Variants in ERC2 observed in about 807,000 individuals in gnomAD.
The protein encoded by ERC2 is ERC protein 2.
In ERC2, 42 loss-of-function variants were observed where a neutral mutation model predicts 114.8. The observed-to-expected ratio is 0.37, with a 90% CI of 0.29 to 0.47. The LOEUF is 0.47. ERC2 is among the 20% of genes least tolerant of loss of function. The probability of loss-of-function intolerance (pLI) is 0.99; values close to 1 mark genes in which losing one functional copy is unlikely to be tolerated. For synonymous variants in ERC2, 454 were observed against 425.5 expected (o/e 1.07, Z -0.82); for missense variants, 939 against 1,150.7 (o/e 0.82, Z 2.66).
At chr3:55,642,127 T>C (rs1184802213) in intron 17 of ERC2, among the ~76,000 whole-genome samples, 1 of 152,128 alleles carries the variant, frequency 6.6e-6, no homozygotes, top group Non-Finnish European at 1.5e-5. Flanking sequence ...CAATGAGGAA[T>C]GTATAGAGTT....
At chr3:55,821,367 C>T (rs1376666960) in intron 14 of ERC2, among the ~76,000 whole-genome samples, 1 of 152,186 alleles carries the variant, frequency 6.6e-6, no homozygotes, top group African/African-American at 2.4e-5. Context: ...GGAAACCCAT[C>T]AAACACGTGG....
chr3:55,778,671 A>G (rs191017419), intron 14 of ERC2, among the ~76,000 whole-genome samples: 30 of 152,358 alleles, frequency 2.0e-4, no homozygotes, highest in Admixed American at 2.6e-4. Flanking sequence ...CACATTAATA[A>G]GAAAAAGGTC....
chr3:55,774,467 C>A (rs1377685241), intron 14 of ERC2, among the ~76,000 whole-genome samples: 2 of 152,260 alleles, frequency 1.3e-5, no homozygotes, highest in South Asian at 2.1e-4. Context: ...CAATCTTCCC[C>A]CTTTCCTTGG....
At chr3:56,041,214 T>C (rs2075172474) in intron 7 of ERC2, among the ~76,000 whole-genome samples, 1 of 152,142 alleles carries the variant, frequency 6.6e-6, no homozygotes. Flanking sequence ...TTTTTTCCTA[T>C]TTACATTCTA....
intron 9 of ERC2, among the ~76,000 whole-genome samples, chr3:56,008,228 T>G (rs1027961596): frequency 1.3e-5 from 2 of 152,168 alleles, no homozygotes; most frequent in African/African-American, 4.8e-5. Flanking sequence ...CGTTGGCTAA[T>G]AATTTACACT....
intron 3 of ERC2, among the ~76,000 whole-genome samples, chr3:56,215,062 G>A (rs1439021582): frequency 6.6e-6 from 1 of 152,116 alleles, no homozygotes; most frequent in Non-Finnish European, 1.5e-5. Context: ...AGACCATCGA[G>A]GCTAGGAAGA....
chr3:55,735,199 T>G (rs2065552890), intron 14 of ERC2, among the ~76,000 whole-genome samples: 1 of 152,200 alleles, frequency 6.6e-6, no homozygotes, highest in Non-Finnish European at 1.5e-5. Context: ...CTGACACATT[T>G]ATCCACCCAT....
chr3:55,952,175 ACACACTCT>A (rs1213342035), intron 12 of ERC2, among the ~76,000 whole-genome samples: 6,305 of 62,858 alleles, frequency 0.1, 507 homozygotes, highest in Non-Finnish European at 0.16. Flanking sequence ...ACACACACAC[ACACACTCT>A]CTCTCTCTCT....
At chr3:56,003,750 C>T (rs1364371329) in intron 10 of ERC2, among the ~76,000 whole-genome samples, 6 of 152,100 alleles carry the variant, frequency 3.9e-5, no homozygotes, top group Non-Finnish European at 8.8e-5. Flanking sequence ...CTATTACCAA[C>T]TTCTACTGTT....
chr3:56,029,976 T>C (rs944437317), intron 7 of ERC2, among the ~76,000 whole-genome samples: 7 of 152,138 alleles, frequency 4.6e-5, no homozygotes, highest in African/African-American at 1.4e-4. Flanking sequence ...TTCTCAGCAC[T>C]GCTCTAGCTG....
At chr3:56,245,804 G>T (rs891621540) in intron 3 of ERC2, among the ~76,000 whole-genome samples, 1 of 151,940 alleles carries the variant, frequency 6.6e-6, no homozygotes, top group Admixed American at 6.6e-5. Flanking sequence ...GCCTCCTAAA[G>T]TGCTGGGATT....
At chr3:56,198,447 A>G (rs1026963930) in intron 3 of ERC2, among the ~76,000 whole-genome samples, 1 of 152,196 alleles carries the variant, frequency 6.6e-6, no homozygotes, top group South Asian at 2.1e-4. Flanking sequence ...CAGGGAGGCC[A>G]GGGAGGAGGT....
rs190283002 is a variant in ERC2, at chr3:55,916,151, G to A, written c.2404-27602C>T. Among the ~76,000 whole-genome samples the A allele has an allele frequency of 7.2e-5, 11 of 152,244 alleles. No homozygotes were observed. In the South Asian group the frequency reaches 2.1e-3, roughly 29 times the overall value. On this transcript the variant is annotated intron_variant, in intron 13 of 17. Coordinates refer to ENST00000288221, the MANE Select transcript of ERC2 (RefSeq NM_015576.3). The stretch of plus-strand genomic sequence containing the variant: ...TTCAGCTCACTGTGGCAACAGCGTG[G>A]TGAGAATATTTCAGTGAGAATATTC...
At chr3:56,267,874 T>C (rs991630230) in intron 3 of ERC2, among the ~76,000 whole-genome samples, 2 of 152,160 alleles carry the variant, frequency 1.3e-5, no homozygotes, top group African/African-American at 4.8e-5. Flanking sequence ...ATGTTCAGCA[T>C]GAGGACTATA....
At chr3:55,859,196 G>C (rs1391167320) in intron 14 of ERC2, among the ~76,000 whole-genome samples, 1 of 152,158 alleles carries the variant, frequency 6.6e-6, no homozygotes, top group African/African-American at 2.4e-5. Context: ...CTGGGCTGCT[G>C]GGGGAGGCTA....
At chr3:56,218,849 T>C (rs1453336524) in intron 3 of ERC2, among the ~76,000 whole-genome samples, 1 of 152,098 alleles carries the variant, frequency 6.6e-6, no homozygotes, top group Non-Finnish European at 1.5e-5. Context: ...GGGACATGGA[T>C]GAAGCTGGAA....
chr3:56,350,156 A>C (rs2058495978), intron 2 of ERC2, among the ~76,000 whole-genome samples: 2 of 152,342 alleles, frequency 1.3e-5, no homozygotes, highest in African/African-American at 2.4e-5. Flanking sequence ...CAGGAGGTGG[A>C]TATAATTTCA....
At chr3:56,188,294 T>C (rs2083757117) in intron 3 of ERC2, among the ~76,000 whole-genome samples, 1 of 152,248 alleles carries the variant, frequency 6.6e-6, no homozygotes. Flanking sequence ...TCTTTACACA[T>C]CTTCCCTCAC....
chr3:56,158,148 C>G (rs954853517), intron 4 of ERC2, among the ~76,000 whole-genome samples: 1 of 152,164 alleles, frequency 6.6e-6, no homozygotes. Context: ...AGTCATCAAG[C>G]CTCAGACTTG....
Sources: allele counts gnomAD v4.1 joint callset (sites outside exome capture counted in the v4.1 genomes callset), GRCh38; gene constraint gnomAD v4.1.1; transcripts MANE v1.5; gene names NCBI Gene and HGNC (gene_info 2026-07-23, HGNC 2026-07-21).